Variants in BRWD1 observed in about 807,000 individuals in gnomAD.
The protein encoded by BRWD1 is bromodomain and WD repeat-containing protein 1.
In BRWD1, 82 loss-of-function variants were observed where a neutral mutation model predicts 251.2. The observed-to-expected ratio is 0.33, with a 90% CI of 0.27 to 0.39. BRWD1 has a LOEUF of 0.39. Ranked by LOEUF, BRWD1 falls within the 10% of genes least tolerant of loss-of-function variation. BRWD1 has a pLI of 1.00. For synonymous variants in BRWD1, 918 were observed against 902.8 expected (o/e 1.02, Z -0.30); for missense variants, 2,233 against 2,711.6 (o/e 0.82, Z 3.92).
At chr21:39,252,345 T>C (rs1300602206) in intron 19 of BRWD1, among the ~76,000 whole-genome samples, 1 of 152,144 alleles carries the variant, frequency 6.6e-6, no homozygotes, top group African/African-American at 2.4e-5. Context: ...AAAGAATTAC[T>C]TATACTGGCA....
intron 15 of BRWD1, among the ~76,000 whole-genome samples, chr21:39,266,916 T>C (rs1187942469): frequency 6.6e-6 from 1 of 152,242 alleles, no homozygotes; most frequent in African/African-American, 2.4e-5. Context: ...TTTCAGATTA[T>C]TCTTTGGCAT....
At chr21:39,263,033 T>G (rs577837227) in intron 17 of BRWD1, among the ~76,000 whole-genome samples, 50 of 152,170 alleles carry the variant, frequency 3.3e-4, no homozygotes, top group Middle Eastern at 3.4e-3. Flanking sequence ...GGAGGATCAC[T>G]TGACCCTCCT....
At position 39,188,322 on chromosome 21, in the gene BRWD1, G is replaced by T; in HGVS notation, c.*7937C>A. 1.0e-6 allele frequency: 1 copy of T among 985,320 alleles called. No individual in the cohort carries two copies. The allele number at this position is 985,320 out of a possible 1,614,324, so 61.0% of individuals were successfully genotyped here. A position where few individuals can be genotyped will look rare whatever the true frequency, so the allele number is the denominator to read the frequency against. On this transcript the variant is annotated 3_prime_UTR_variant, in exon 41 of 41. Transcript: ENST00000342449. ...CAGTTTGTTTTGTAGGACCCTGCCT[G>T]AAGTTTCCAGACATTTAGCATTCAA...
rs1014514205 is a variant in BRWD1, at chr21:39,187,788, G to A, written c.*8471C>T. The A allele has an allele frequency of 1.2e-5, 12 of 985,024 alleles. No homozygotes were observed. The highest frequency in any genetic ancestry group is 1.7e-5 in the African/African-American group (1 of 57,164). The allele number at this position is 985,024 out of a possible 1,614,324, so 61.0% of individuals were successfully genotyped here. A position where few individuals can be genotyped will look rare whatever the true frequency, so the allele number is the denominator to read the frequency against. On this transcript the variant is annotated 3_prime_UTR_variant, in exon 41 of 41. Coordinates refer to ENST00000342449, the MANE Select transcript of BRWD1 (RefSeq NM_033656.4). ...TTTCTGACCTAGGTATGTGACACACGAGATTCAGATTAAAATTCTAAAAAA... is the reference window on the plus strand; with the variant it reads ...TTTCTGACCTAGGTATGTGACACACAAGATTCAGATTAAAATTCTAAAAAA...
chr21:39,214,004 G>A (rs1000391106), intron 32 of BRWD1, among the ~76,000 whole-genome samples: 21 of 151,800 alleles, frequency 1.4e-4, no homozygotes, highest in African/African-American at 4.8e-4. Context: ...AAAAAAGAAT[G>A]CTGAAATATG....
chr21:39,277,417 C>A, intron 10 of BRWD1, 66 bp from the exon 11 acceptor site: 1 of 984,928 alleles, frequency 1.0e-6, no homozygotes, highest in South Asian at 2.3e-5. Context: ...ATCAAATTTC[C>A]ATATTAAAAT....
Position 39,187,679 on chromosome 21 carries a change from TC to T in BRWD1, c.*8579del. On this transcript the variant is annotated 3_prime_UTR_variant, in exon 41 of 41. Coordinates refer to ENST00000342449, the MANE Select transcript of BRWD1 (RefSeq NM_033656.4). ...GTGAAAAGTTCCTTCAGCATCGGCA[TC>T]ATAAAGCTGCTAATCTAAAAACATA... 4 of 985,420 alleles carry T rather than the reference TC, an allele frequency of 4.1e-6. No homozygotes were observed. The highest frequency in any genetic ancestry group is 4.8e-6 in the Non-Finnish European group (4 of 829,900). 61.0% of individuals were successfully genotyped at this position (985,420 alleles called of 1,614,324 possible).
Position 39,194,715 on chromosome 21 carries a change from C to T in BRWD1, c.*1544G>A. 1 of 1,535,192 alleles carries T rather than the reference C, an allele frequency of 6.5e-7. No homozygotes were observed. Among genetic ancestry groups the T allele is most frequent in the Non-Finnish European group, 8.7e-7 (1 of 1,146,048 alleles). On this transcript the variant is annotated 3_prime_UTR_variant, in exon 41 of 41. Coordinates refer to ENST00000342449, the MANE Select transcript of BRWD1 (RefSeq NM_033656.4). Reference sequence around the variant, plus strand: ...ATACCAGTCTGATGCTTCGCCTTGTCTGCCACTTCAAAGATACACAGGAGA... The same window carrying T: ...ATACCAGTCTGATGCTTCGCCTTGTTTGCCACTTCAAAGATACACAGGAGA...
In BRWD1 at chr21:39,195,021, A is replaced by G; in HGVS notation, c.*1238T>C. 4.4e-6 allele frequency: 6 copies of G among 1,373,240 alleles called. No homozygotes were observed. Among genetic ancestry groups the G allele is most frequent in the South Asian group, 3.5e-5 (2 of 56,836 alleles). 85.1% of individuals were successfully genotyped at this position (1,373,240 alleles called of 1,614,324 possible). A position where few individuals can be genotyped will look rare whatever the true frequency, so the allele number is the denominator to read the frequency against. On this transcript the variant is annotated 3_prime_UTR_variant, in exon 41 of 41. Transcript: ENST00000342449. ...CATCTACACTGGAGTAGCATAACCTATCAAGTATTTGGTTAGAAAATAAGT... is the reference window on the plus strand; with the variant it reads ...CATCTACACTGGAGTAGCATAACCTGTCAAGTATTTGGTTAGAAAATAAGT...
Position 39,264,414 on chromosome 21 carries a change from T to C in BRWD1, c.1885+46A>G, listed in dbSNP as rs1385075540. The C allele has an allele frequency of 4.3e-6, 5 of 1,156,728 alleles. No individual in the cohort carries two copies. In the African/African-American group the frequency reaches 7.6e-5, roughly 18 times the overall value. 71.7% of individuals were successfully genotyped at this position (1,156,728 alleles called of 1,614,324 possible). ...ATTATTTATATTATACTTTAAAATA[T>C]TCAAGTACAACTTTAAAAAAAAAAA... is the stretch of plus-strand genomic sequence containing the variant. On this transcript the variant is annotated intron_variant, in intron 17 of 40. Transcript: ENST00000342449.
chr21:39,243,441 T>C (rs2150415), intron 21 of BRWD1, among the ~76,000 whole-genome samples: 45,689 of 152,064 alleles, frequency 0.3, 7,335 homozygotes, highest in Middle Eastern at 0.35. Context: ...TTGTTGTTTA[T>C]TGCCTCATTT....
At position 39,195,618 on chromosome 21, in the gene BRWD1, A is replaced by G; in HGVS notation, c.*641T>C. On this transcript the variant is annotated 3_prime_UTR_variant, in exon 41 of 41. Coordinates refer to ENST00000342449, the MANE Select transcript of BRWD1 (RefSeq NM_033656.4). ...CTTTATAAATTCAAGTTTATAACAT[A>G]AAAGTGACAACGTTTTCCTTAAGAA... 1.0e-6 allele frequency: 1 copy of G among 984,116 alleles called. No homozygotes were observed. Among genetic ancestry groups the G allele is most frequent in the Non-Finnish European group, 1.2e-6 (1 of 828,354 alleles). The allele number at this position is 984,116 out of a possible 1,614,324, so 61.0% of individuals were successfully genotyped here. A position where few individuals can be genotyped will look rare whatever the true frequency, so the allele number is the denominator to read the frequency against.
At chr21:39,280,034 G>C (rs1232801350) in intron 9 of BRWD1, 114 bp downstream of exon 9, 1 of 717,260 alleles carries the variant, frequency 1.4e-6, no homozygotes, top group African/African-American at 1.9e-5. Flanking sequence ...TAAGTTCAAA[G>C]GTTAAAAAAA....
chr21:39,306,072 C>CT (rs1294724280), intron 4 of BRWD1, among the ~76,000 whole-genome samples: 7,085 of 136,412 alleles, frequency 0.052, 415 homozygotes, highest in African/African-American at 0.15. Flanking sequence ...CTTTAAGTAT[C>CT]TTTTTTTTTT....
upstream of BRWD1, among the ~76,000 whole-genome samples, chr21:39,318,496 T>A (rs1427160335): frequency 6.6e-6 from 1 of 152,230 alleles, no homozygotes; most frequent in Non-Finnish European, 1.5e-5. Context: ...AGGAAGTAGA[T>A]GACGTTGGAC....
At chr21:39,215,400 G>T in intron 31 of BRWD1, 38 bp from the exon 32 acceptor site, 2 of 1,578,736 alleles carry the variant, frequency 1.3e-6, no homozygotes, top group South Asian at 1.1e-5. Context: ...CTTAGAAAAT[G>T]AGAAGATAGA....
At position 39,218,133 on chromosome 21, in the gene BRWD1, A is replaced by G. The variant is rs201531501; in HGVS notation, c.3659+19T>C. On this transcript the variant is annotated intron_variant, in intron 31 of 40. Transcript: ENST00000342449. ...CAAATATAGCTTTTTAAACATTTTG[A>G]AAGCAGGTTTCTACTAACCTGTAAA... The G allele has an allele frequency of 6.6e-4, 1,040 of 1,583,096 alleles. 1 individual carries two copies. Among genetic ancestry groups the G allele is most frequent in the Non-Finnish European group, 7.8e-4 (913 of 1,170,550 alleles).
At chr21:39,251,964 TATATAAAAGAATTTTTA>T (rs2034408585) in intron 19 of BRWD1, among the ~76,000 whole-genome samples, 1 of 152,082 alleles carries the variant, frequency 6.6e-6, no homozygotes, top group Non-Finnish European at 1.5e-5. Flanking sequence ...TCATAGAGTG[TATATAAAAGAATTTTTA>T]TACGGCCGGG....
Position 39,293,936 on chromosome 21 carries a change from C to G in BRWD1, c.706G>C (p.Val236Leu). The G allele has an allele frequency of 6.2e-7, 1 of 1,614,144 alleles. No homozygotes were observed. The highest frequency in any genetic ancestry group is 8.5e-7 in the Non-Finnish European group (1 of 1,180,016). The change falls in exon 8 of 41, where the codon GTA (valine) becomes CTA (leucine). Residue 236 changes from valine to leucine, a missense_variant. Coordinates refer to ENST00000342449, the MANE Select transcript of BRWD1 (RefSeq NM_033656.4). ...GCAATCATTGTATTCTCATAGTTTA[C>G]TGCCATATCTGAAATTTCTGCAGAA... Reference protein sequence around the residue: ...GHSAEISDMAVNYENTMIAAG... With the variant: ...GHSAEISDMALNYENTMIAAG...
Sources: gnomAD v4.1 joint callset for allele counts (sites outside exome capture counted in the v4.1 genomes callset) on GRCh38, gnomAD v4.1.1 for gene constraint, MANE v1.5 for transcripts, NCBI Gene and HGNC (gene_info 2026-07-23, HGNC 2026-07-21) for gene names.